Variants in KAT2B observed in about 807,000 individuals in gnomAD.
The protein encoded by KAT2B is lysine acetyltransferase 2B, also known as histone acetyltransferase KAT2B.
A neutral mutation model predicts 105.9 loss-of-function variants in KAT2B; 36 were observed. The ratio of observed to expected loss-of-function variants is 0.34; its 90% CI spans 0.26 to 0.45. KAT2B has a LOEUF of 0.45. KAT2B is among the 20% of genes least tolerant of loss of function. The pLI is 1.00. For synonymous variants in KAT2B, 397 were observed against 377.9 expected, an observed-to-expected ratio of 1.05 and a Z score of -0.59; for missense variants, 820 against 1,021.6, an observed-to-expected ratio of 0.80 and a Z score of 2.69.
At chr3:20,102,638 T>C (rs999730389) in intron 5 of KAT2B, among the ~76,000 whole-genome samples, 1 of 152,226 alleles carries the variant, frequency 6.6e-6, no homozygotes, top group African/African-American at 2.4e-5. Flanking sequence ...GCTTATTACT[T>C]GCAGAATAAC....
chr3:20,050,361 T>C (rs1343264477), intron 1 of KAT2B, among the ~76,000 whole-genome samples: 2 of 152,186 alleles, frequency 1.3e-5, no homozygotes, highest in Admixed American at 1.3e-4. Flanking sequence ...AATTTTTACA[T>C]GTGTATACAT....
At chr3:20,047,080 C>A (rs535433805) in intron 1 of KAT2B, among the ~76,000 whole-genome samples, 1 of 151,978 alleles carries the variant, frequency 6.6e-6, no homozygotes, top group African/African-American at 2.4e-5. Flanking sequence ...TTTGCCCCCC[C>A]CTTTTTTTTT....
At chr3:20,134,339 C>G in intron 11 of KAT2B, among the ~76,000 whole-genome samples, 1 of 152,140 alleles carries the variant, frequency 6.6e-6, no homozygotes, top group East Asian at 1.9e-4. Context: ...TTCCTCTATT[C>G]GTCTTCTCTT....
chr3:20,053,956 C>G (rs1490298607), intron 1 of KAT2B, among the ~76,000 whole-genome samples: 1 of 152,070 alleles, frequency 6.6e-6, no homozygotes, highest in African/African-American at 2.4e-5. Flanking sequence ...TACCACCACA[C>G]CGAGCTAATT....
chr3:20,074,531 T>A (rs898693776), intron 2 of KAT2B, among the ~76,000 whole-genome samples: 2 of 152,156 alleles, frequency 1.3e-5, no homozygotes, highest in Non-Finnish European at 2.9e-5. Context: ...AAATACATGA[T>A]TATTGGCTGA....
In KAT2B at chr3:20,125,925, C is replaced by G. The variant is rs773167944; in HGVS notation, c.1434C>G (p.His478Gln). Reference protein sequence around the residue: ...LGPETNFLSAHSARDEAARLE... With the variant: ...LGPETNFLSAQSARDEAARLE... ...CTCAGACCAATTTTCTGTCAGCACA[C>G]TCGGCCAGGGATGAGGCGGCAAGGT... Residue 478 changes from histidine (H) to glutamine (Q), a missense_variant, in exon 10 of 18, where the codon CAC (histidine) becomes CAG (glutamine). His to Gln is a conservative substitution (Grantham distance 24). This residue lies in a region of KAT2B where 225 missense variants were observed against 268.1 expected (regional missense o/e 0.84). Coordinates refer to ENST00000263754, the MANE Select transcript of KAT2B (RefSeq NM_003884.5). 5 of 1,613,750 alleles carry G rather than the reference C, an allele frequency of 3.1e-6. No homozygotes were observed. The Admixed American group carries it at 6.7e-5, about 22-fold the overall frequency.
chr3:20,122,568 C>A, intron 8 of KAT2B, 100 bp from the exon 9 acceptor site: 1 of 881,428 alleles, frequency 1.1e-6, no homozygotes, highest in Non-Finnish European at 1.8e-6. Context: ...ATAGAGTTGA[C>A]CTCCATGCCC....
chr3:20,090,213 T>C (rs1463411161), intron 2 of KAT2B, among the ~76,000 whole-genome samples: 1 of 152,224 alleles, frequency 6.6e-6, no homozygotes, highest in Non-Finnish European at 1.5e-5. Flanking sequence ...TTAATTGCTT[T>C]GGCTAGGACT....
rs985660392 is a variant in KAT2B at position 20,081,711 on chromosome 3, T to C, written c.430+9252T>C. 3.3e-5 allele frequency among the ~76,000 whole-genome samples: 5 copies of C among 152,220 alleles called. No individual in the cohort carries two copies. The East Asian group carries it at 7.7e-4, about 24-fold the overall frequency. On this transcript the variant is annotated intron_variant, in intron 2 of 17. Coordinates refer to ENST00000263754, the MANE Select transcript of KAT2B (RefSeq NM_003884.5). ...ACTATTTAAAGTAAAAGCAGGATTC[T>C]TTAATGATCAAATTCAGGTGGAGGA... is the stretch of plus-strand genomic sequence containing the variant.
chr3:20,135,404 C>T (rs921047963), intron 11 of KAT2B, among the ~76,000 whole-genome samples: 1 of 152,122 alleles, frequency 6.6e-6, no homozygotes, highest in Non-Finnish European at 1.5e-5. Flanking sequence ...CCTGTAATCC[C>T]AGCACTTTGG....
intron 1 of KAT2B, among the ~76,000 whole-genome samples, chr3:20,046,308 A>G (rs183944524): frequency 6.6e-6 from 1 of 152,314 alleles, no homozygotes; most frequent in Admixed American, 6.5e-5. Context: ...GGCCCAGGGC[A>G]TGGTGGCTTG....
In KAT2B at chr3:20,111,527, A is replaced by G. The variant is rs913668587; in HGVS notation, c.852-69A>G. 1.0e-5 allele frequency: 13 copies of G among 1,274,270 alleles called. No individual in the cohort carries two copies. In the African/African-American group the frequency reaches 1.8e-4, roughly 18 times the overall value. The allele number at this position is 1,274,270 out of a possible 1,614,324, so 78.9% of individuals were successfully genotyped here. Reference sequence around the variant, plus strand: ...CTATAGTTAATAGTACGAGATAAACATAATTGAATATTTCTGATGACCTGG... The same window carrying G: ...CTATAGTTAATAGTACGAGATAAACGTAATTGAATATTTCTGATGACCTGG... On this transcript the variant is annotated intron_variant, in intron 5 of 17. Coordinates refer to ENST00000263754, the MANE Select transcript of KAT2B (RefSeq NM_003884.5).
At chr3:20,080,631 A>G (rs914457179) in intron 2 of KAT2B, among the ~76,000 whole-genome samples, 1 of 152,224 alleles carries the variant, frequency 6.6e-6, no homozygotes, top group Non-Finnish European at 1.5e-5. Context: ...GGCTGGTTGC[A>G]TATATTTGCA....
chr3:20,043,741 AAT>A lies in KAT2B; in HGVS notation c.303+2962_303+2963del, dbSNP rs199526564. Among the ~76,000 whole-genome samples the A allele has an allele frequency of 6.2e-3, 942 of 150,968 alleles. 7 individuals carry two copies. Among genetic ancestry groups the A allele is most frequent in the South Asian group, 0.028 (133 of 4,774 alleles). On this transcript the variant is annotated intron_variant, in intron 1 of 17. Coordinates refer to ENST00000263754, the MANE Select transcript of KAT2B (RefSeq NM_003884.5). ...ATTTGCTTTTTTTAAAAAAAAAAAA[AAT>A]TTAACTGGACTTGATTGGGTACGAG...
intron 2 of KAT2B, among the ~76,000 whole-genome samples, chr3:20,074,161 G>T (rs1306216325): frequency 6.6e-6 from 1 of 152,132 alleles, no homozygotes; most frequent in Non-Finnish European, 1.5e-5. Flanking sequence ...TGTAAATTAA[G>T]ATGTGCCCTC....
chr3:20,144,756 AT>A (rs1699756400), intron 13 of KAT2B, among the ~76,000 whole-genome samples: 1 of 151,630 alleles, frequency 6.6e-6, no homozygotes, highest in South Asian at 2.1e-4. Context: ...AAATTAAGGC[AT>A]GCTGTAAGTA....
At chr3:20,062,011 T>TAAAAC (rs1172435775) in intron 1 of KAT2B, among the ~76,000 whole-genome samples, 2 of 74,362 alleles carry the variant, frequency 2.7e-5, no homozygotes, top group Non-Finnish European at 6.0e-5. Flanking sequence ...ATATAATATA[T>TAAAAC]ATTATATATA....
chr3:20,140,424 G>C lies in KAT2B; in HGVS notation c.2004+60G>C, dbSNP rs899989422. 9 of 1,576,250 alleles carry C rather than the reference G, an allele frequency of 5.7e-6. No individual in the cohort carries two copies. The Admixed American group carries it at 1.6e-4, about 27-fold the overall frequency. ...AGGCCAGTCTTAGCTGGGGTGGGTT[G>C]CATTTCCTTGGGTGCTGCGTGTATG... On this transcript the variant is annotated intron_variant, in intron 13 of 17. Transcript: ENST00000263754.
intron 8 of KAT2B, among the ~76,000 whole-genome samples, chr3:20,121,921 T>C (rs1238621625): frequency 6.6e-6 from 1 of 152,032 alleles, no homozygotes; most frequent in Non-Finnish European, 1.5e-5. Context: ...TAAGTTATTA[T>C]GGTTTAAGAC....
Sources: gnomAD v4.1 joint callset for allele counts (sites outside exome capture counted in the v4.1 genomes callset) on GRCh38, gnomAD v4.1.1 for gene constraint, gnomAD v4.1.1 regional missense constraint, MANE v1.5 for transcripts, NCBI Gene and HGNC (gene_info 2026-07-23, HGNC 2026-07-21) for gene names.